Variants in ADGRA3 observed in about 807,000 individuals in gnomAD.
ADGRA3 encodes the protein adhesion G protein-coupled receptor A3, also known as G-protein coupled receptor 125.
Under a neutral mutation model 119.8 loss-of-function variants are expected in ADGRA3, and 56 were observed. That is an observed-to-expected ratio of 0.47 (90% CI 0.38 to 0.58). The LOEUF is 0.58. ADGRA3 is among the 20% of genes least tolerant of loss of function. ADGRA3 has a pLI of 0.00. For synonymous variants in ADGRA3, 607 were observed against 623.8 expected (o/e 0.97, Z 0.40); for missense variants, 1,516 against 1,649.0 (o/e 0.92, Z 1.40).
intron 15 of ADGRA3, among the ~76,000 whole-genome samples, chr4:22,402,389 C>A (rs938417928): frequency 6.6e-6 from 1 of 152,072 alleles, no homozygotes; most frequent in East Asian, 1.9e-4. Flanking sequence ...CCTCCTATTG[C>A]GCCTGTGACC....
chr4:22,402,642 C>A, intron 15 of ADGRA3, 33 bp downstream of exon 15: 1 of 1,597,708 alleles, frequency 6.3e-7, no homozygotes. Flanking sequence ...AATCAAAGTC[C>A]GCAGATCTAT....
intron 17 of ADGRA3, 94 bp downstream of exon 17, chr4:22,392,451 C>T: frequency 6.8e-7 from 1 of 1,469,734 alleles, no homozygotes; most frequent in South Asian, 1.2e-5. Context: ...CGTTCTTTTA[C>T]TTCCCAAAAT....
At chr4:22,424,398 T>C in intron 10 of ADGRA3, 46 bp from the exon 11 acceptor site, 1 of 1,579,712 alleles carries the variant, frequency 6.3e-7, no homozygotes, top group Non-Finnish European at 8.6e-7. Flanking sequence ...AAAACCACCA[T>C]AAACTATTTC....
intron 14 of ADGRA3, among the ~76,000 whole-genome samples, chr4:22,406,623 C>T (rs1434336475): frequency 1.3e-5 from 2 of 151,924 alleles, no homozygotes; most frequent in South Asian, 2.1e-4. Flanking sequence ...GTATCTAGTC[C>T]GATCGTTTGC....
At chr4:22,483,975 T>C (rs2323412) in intron 1 of ADGRA3, among the ~76,000 whole-genome samples, 96,382 of 151,946 alleles carry the variant, frequency 0.63, 31,682 homozygotes, top group Non-Finnish European at 0.72. Flanking sequence ...CTTCCAATGA[T>C]GCATGATTAC....
At chr4:22,399,026 G>C (rs890027800) in intron 16 of ADGRA3, among the ~76,000 whole-genome samples, 3 of 152,144 alleles carry the variant, frequency 2.0e-5, no homozygotes, top group African/African-American at 7.2e-5. Flanking sequence ...TGTTCATCAA[G>C]ACTTGGCATT....
At chr4:22,504,977 C>T (rs1364850436) in intron 1 of ADGRA3, among the ~76,000 whole-genome samples, 3 of 152,122 alleles carry the variant, frequency 2.0e-5, no homozygotes, top group Non-Finnish European at 4.4e-5. Flanking sequence ...ACCTCAACCG[C>T]AAACTGACCA....
intron 12 of ADGRA3, chr4:22,414,673 C>CCTG: frequency 1.5e-6 from 1 of 668,854 alleles, no homozygotes; most frequent in Non-Finnish European, 2.7e-6. Context: ...ATGTTTAATA[C>CCTG]TAAGCCCAAA....
intron 5 of ADGRA3, 45 bp from the exon 6 acceptor site, chr4:22,445,178 A>T (rs559909897): frequency 6.4e-7 from 1 of 1,569,452 alleles, no homozygotes. Flanking sequence ...GAATAAAATT[A>T]AATAGCACTT....
chr4:22,495,553 T>C (rs920621213), intron 1 of ADGRA3, among the ~76,000 whole-genome samples: 9 of 152,098 alleles, frequency 5.9e-5, no homozygotes, highest in Non-Finnish European at 1.3e-4. Flanking sequence ...TTGGCCTTCC[T>C]GGATAAAGTG....
chr4:22,430,832 G>GC (rs945620481), intron 10 of ADGRA3, among the ~76,000 whole-genome samples: 1 of 61,840 alleles, frequency 1.6e-5, no homozygotes, highest in Non-Finnish European at 4.2e-5. Context: ...CATAGGCTGG[G>GC]CCCAGGGTCC....
At chr4:22,420,113 T>C (rs924984697) in intron 12 of ADGRA3, 6 of 152,466 alleles carry the variant, frequency 3.9e-5, no homozygotes, top group African/African-American at 1.4e-4. Flanking sequence ...TCAGTTATTA[T>C]GCAGCCATTA....
At chr4:22,420,860 T>C (rs1458363287) in intron 12 of ADGRA3, 26 bp downstream of exon 12, 2 of 1,597,640 alleles carry the variant, frequency 1.3e-6, no homozygotes, top group South Asian at 1.1e-5. Flanking sequence ...GTAAATAGTC[T>C]TAAATGATTG....
chr4:22,443,169 G>A, intron 6 of ADGRA3: 1 of 632,516 alleles, frequency 1.6e-6, no homozygotes, highest in East Asian at 2.8e-5. Flanking sequence ...CTAGAAAATG[G>A]CATCAGTGAT....
rs2109062185 is a variant in ADGRA3 at position 22,436,548 on chromosome 4, C to T, written c.1179G>A (p.Glu393=). 6.2e-7 allele frequency: 1 copy of T among 1,613,978 alleles called. No individual in the cohort carries two copies. ...TATCACATCTGCGCCAAGCTTTTCT[C>T]TCATCCTGTGGGTTTCCGGGATATA... ...SGIYPGNPQD[E]RKAWRRCDRG... is the part of the protein sequence containing the mutation. The change falls in exon 9 of 19, where the codon GAG becomes GAA. Residue 393 remains glutamate (E), a synonymous_variant. Transcript: ENST00000334304.
intron 14 of ADGRA3, among the ~76,000 whole-genome samples, chr4:22,403,094 G>A (rs1419839576): frequency 3.9e-5 from 6 of 151,992 alleles, no homozygotes; most frequent in African/African-American, 1.5e-4. Context: ...CTACATTTAG[G>A]CAATTCAGAA....
At chr4:22,441,864 A>C (rs1001436529) in intron 7 of ADGRA3, among the ~76,000 whole-genome samples, 3 of 152,208 alleles carry the variant, frequency 2.0e-5, no homozygotes, top group Non-Finnish European at 4.4e-5. Flanking sequence ...CAACTGCATA[A>C]GTCTTGAATC....
chr4:22,457,640 C>A (rs1717286133), intron 3 of ADGRA3, among the ~76,000 whole-genome samples: 1 of 152,296 alleles, frequency 6.6e-6, no homozygotes, highest in East Asian at 1.9e-4. Flanking sequence ...GGTACAATAT[C>A]AGTAATTATA....
In ADGRA3 at chr4:22,421,030, C is replaced by A; in HGVS notation, c.1665G>T (p.Met555Ile). 6.2e-7 allele frequency: 1 copy of A among 1,614,068 alleles called. No homozygotes were observed. Among genetic ancestry groups the A allele is most frequent in the Non-Finnish European group, 8.5e-7 (1 of 1,179,964 alleles). ...CCACTTTCTGGAACACGGTACAGGT[C>A]ATCCCCGTGAAGCCAGTAGACTTGA... ...YVIKSTGFTG[M>I]TCTVFQKVAA... is the part of the protein sequence containing the mutation. Residue 555 changes from methionine (M) to isoleucine (I), a missense_variant, in exon 12 of 19, where the codon ATG (methionine) becomes ATT (isoleucine). Around this residue, in one of 2 missense-constraint regions of ADGRA3, gnomAD observed 1,088 missense variants for 1,107.1 expected, o/e 0.98. Coordinates refer to ENST00000334304, the MANE Select transcript of ADGRA3 (RefSeq NM_145290.4).
Sources: allele counts gnomAD v4.1 joint callset (sites outside exome capture counted in the v4.1 genomes callset), GRCh38; gene constraint gnomAD v4.1.1; regional missense constraint gnomAD v4.1.1; transcripts MANE v1.5; gene names NCBI Gene and HGNC (gene_info 2026-07-23, HGNC 2026-07-21).